Variants in PHF24 observed in about 807,000 individuals in gnomAD.
The protein encoded by PHF24 is Galpha inhibitory interacting protein.
A neutral mutation model predicts 42.6 loss-of-function variants in PHF24; 25 were observed. That is an observed-to-expected ratio of 0.59 (90% CI 0.43 to 0.82). The LOEUF (loss-of-function observed/expected upper bound fraction) is 0.82, where lower values mean the gene tolerates loss of function less well. Among genes scored for constraint, PHF24 ranks in the 40% least tolerant of loss-of-function variants. The pLI, the probability that PHF24 is intolerant of heterozygous loss-of-function variation, is 0.00. For missense variants in PHF24, 470 were observed against 538.1 expected (o/e 0.87, Z 1.25); for synonymous variants, 185 against 204.8 (o/e 0.90, Z 0.83).
chr9:34,876,117 A>G, the PHF24 span, among the ~76,000 whole-genome samples: 5 of 152,212 alleles, frequency 3.3e-5, no homozygotes, highest in African/African-American at 1.2e-4. Context: ...GATCCAATAC[A>G]CTTACCATAT....
At chr9:34,878,460 C>T in the PHF24 span, among the ~76,000 whole-genome samples, 4 of 152,176 alleles carry the variant, frequency 2.6e-5, no homozygotes, top group Non-Finnish European at 4.4e-5. Context: ...AATTCCCTTT[C>T]CTAGCCAAGG....
At chr9:34,967,885 A>G (rs1005183368) in intron 1 of PHF24, among the ~76,000 whole-genome samples, 4 of 152,248 alleles carry the variant, frequency 2.6e-5, no homozygotes, top group African/African-American at 9.6e-5. Flanking sequence ...TTCAGACTAT[A>G]TGTTCCAAAT....
the PHF24 span, among the ~76,000 whole-genome samples, chr9:34,808,956 A>G: frequency 6.6e-6 from 1 of 151,684 alleles, no homozygotes; most frequent in Admixed American, 6.6e-5. Context: ...GTAAGTGGGT[A>G]CAGCGCACCA....
chr9:34,855,863 T>G, the PHF24 span, among the ~76,000 whole-genome samples: 1 of 152,246 alleles, frequency 6.6e-6, no homozygotes, highest in Non-Finnish European at 1.5e-5. Context: ...TCCTGAAGCA[T>G]GTTTTCTGAC....
At chr9:34,681,808 C>T in the PHF24 span, among the ~76,000 whole-genome samples, 3 of 152,274 alleles carry the variant, frequency 2.0e-5, no homozygotes, top group African/African-American at 7.2e-5. Context: ...GAGACTCCAT[C>T]TCAAAAAAGA....
At chr9:34,782,119 C>T in the PHF24 span, among the ~76,000 whole-genome samples, 2 of 152,094 alleles carry the variant, frequency 1.3e-5, no homozygotes, top group Non-Finnish European at 2.9e-5. Context: ...ATGAAGTCCT[C>T]CAACTTGCAC....
At chr9:34,959,511 A>G (rs1826515102) in intron 1 of PHF24, among the ~76,000 whole-genome samples, 1 of 152,250 alleles carries the variant, frequency 6.6e-6, no homozygotes, top group Non-Finnish European at 1.5e-5. Flanking sequence ...CAGAAGAAAG[A>G]ATAGATATTT....
the PHF24 span, among the ~76,000 whole-genome samples, chr9:34,831,117 C>T: frequency 6.6e-6 from 1 of 152,148 alleles, no homozygotes; most frequent in East Asian, 1.9e-4. Context: ...CTTTTGACAG[C>T]CAAGGTGATT....
chr9:34,879,652 GA>G, the PHF24 span, among the ~76,000 whole-genome samples: 1 of 152,106 alleles, frequency 6.6e-6, no homozygotes, highest in Non-Finnish European at 1.5e-5. Context: ...GAAGTTTAGA[GA>G]AAAAAGAGTA....
chr9:34,819,914 T>C, the PHF24 span, among the ~76,000 whole-genome samples: 1 of 152,162 alleles, frequency 6.6e-6, no homozygotes, highest in Non-Finnish European at 1.5e-5. Context: ...CAATTTTAAT[T>C]GTGGATTCAT....
chr9:34,920,926 A>G, the PHF24 span, among the ~76,000 whole-genome samples: 1 of 152,194 alleles, frequency 6.6e-6, no homozygotes, highest in East Asian at 1.9e-4. Context: ...TGCAAATACA[A>G]GATTATATCA....
chr9:34,820,367 C>T, the PHF24 span, among the ~76,000 whole-genome samples: 1 of 151,920 alleles, frequency 6.6e-6, no homozygotes, highest in Non-Finnish European at 1.5e-5. Context: ...GGTAGTTTTT[C>T]GATCCTCACC....
rs372213336 is a variant in PHF24, at chr9:34,977,158, A to C, written c.925A>C (p.Ser309Arg). The C allele has an allele frequency of 1.2e-5, 20 of 1,613,612 alleles. No homozygotes were observed. In the South Asian group the frequency reaches 2.2e-4, roughly 18 times the overall value. The change falls in exon 6 of 8, where the codon AGC becomes CGC. Residue 309 changes from serine (S) to arginine (R), a missense_variant. Ser to Arg is a moderately radical substitution (Grantham distance 110, BLOSUM62 -1). Transcript: ENST00000242315. Reference sequence around the variant, plus strand: ...CGCCTTCCTGGCTCGGGGCAGTGGGAGCACCGTCAGTGAGGCAGAGTGCCG... The same window carrying C: ...CGCCTTCCTGGCTCGGGGCAGTGGGCGCACCGTCAGTGAGGCAGAGTGCCG...
chr9:34,919,605 A>G, the PHF24 span, among the ~76,000 whole-genome samples: 1 of 151,780 alleles, frequency 6.6e-6, no homozygotes. Flanking sequence ...ATGTACAATA[A>G]ATCATTGTTT....
the PHF24 span, chr9:34,708,982 C>CGTCGT: frequency 4.9e-6 from 1 of 204,196 alleles, no homozygotes; most frequent in Admixed American, 5.8e-5. Flanking sequence ...TCTCGGTGGA[C>CGTCGT]ATAAACACAT....
chr9:34,728,167 C>A, the PHF24 span: 1 of 1,256,858 alleles, frequency 8.0e-7, no homozygotes, highest in Non-Finnish European at 1.1e-6. Context: ...GCCTTTGACT[C>A]TCATCAAGAA....
the PHF24 span, among the ~76,000 whole-genome samples, chr9:34,675,368 T>C: frequency 2.0e-5 from 3 of 152,174 alleles, no homozygotes; most frequent in African/African-American, 7.2e-5. Flanking sequence ...TGGGCTGTCA[T>C]GTCTTGTTCC....
At chr9:34,852,664 T>C in the PHF24 span, among the ~76,000 whole-genome samples, 1 of 152,364 alleles carries the variant, frequency 6.6e-6, no homozygotes, top group African/African-American at 2.4e-5. Flanking sequence ...AACTCACATA[T>C]GTGCTATGCT....
At chr9:34,908,930 C>A in the PHF24 span, among the ~76,000 whole-genome samples, 1 of 151,582 alleles carries the variant, frequency 6.6e-6, no homozygotes, top group Non-Finnish European at 1.5e-5. Flanking sequence ...TCACTCCAAC[C>A]TCCACCTCCC....
Sources: gnomAD v4.1 joint callset for allele counts (sites outside exome capture counted in the v4.1 genomes callset) on GRCh38, gnomAD v4.1.1 for gene constraint, MANE v1.5 for transcripts, NCBI Gene and HGNC (gene_info 2026-07-23, HGNC 2026-07-21) for gene names.